The following ZFYVE16 variants were observed in gnomAD, a reference collection of about 807,000 sequenced individuals.
ZFYVE16 encodes zinc finger FYVE domain-containing protein 16.
A neutral mutation model predicts 138.1 loss-of-function variants in ZFYVE16; 89 were observed. That is an observed-to-expected ratio of 0.64 (90% CI 0.54 to 0.77). ZFYVE16 has a LOEUF of 0.77. Ranked by LOEUF, ZFYVE16 falls within the 30% of genes least tolerant of loss-of-function variation. ZFYVE16 has a pLI of 0.00. For missense variants in ZFYVE16, 1,793 were observed against 1,786.7 expected (o/e 1.00, Z -0.06); for synonymous variants, 596 against 618.3 (o/e 0.96, Z 0.53).
In ZFYVE16 at chr5:80,479,229, G is replaced by A. The variant is rs1157323046; in HGVS notation, c.*1852G>A. 6.6e-6 allele frequency: 1 copy of A among 152,128 alleles called. No homozygotes were observed. The highest frequency in any genetic ancestry group is 1.9e-4 in the East Asian group (1 of 5,196). 9.4% of individuals were successfully genotyped at this position (152,128 alleles called of 1,614,324 possible). A position where few individuals can be genotyped will look rare whatever the true frequency, so the allele number is the denominator to read the frequency against. On this transcript the variant is annotated 3_prime_UTR_variant, in exon 19 of 19. Transcript: ENST00000505560. ...AATTTGAAATTTTAATTTTTTAAGA[G>A]AAGAAATAGAATGGTTCTTTGTACT...
intron 18 of ZFYVE16, among the ~76,000 whole-genome samples, chr5:80,476,861 C>T (rs1246475917): frequency 6.6e-6 from 1 of 152,094 alleles, no homozygotes; most frequent in Non-Finnish European, 1.5e-5. Context: ...ATTATTGCAA[C>T]AACAAATTTG....
chr5:80,437,383 T>G lies in ZFYVE16; in HGVS notation c.698T>G (p.Phe233Cys). 5 of 1,605,290 alleles carry G rather than the reference T, an allele frequency of 3.1e-6. No homozygotes were observed. The highest frequency in any genetic ancestry group is 4.2e-6 in the Non-Finnish European group (5 of 1,177,206). ...GTENLKDKKIFNQLESIVDFN... is the reference protein window; with the variant it reads ...GTENLKDKKICNQLESIVDFN... ...GAAAATTTAAAAGATAAAAAGATCT[T>G]TAATCAGTTAGAATCAATTGTTGAT... The change falls in exon 4 of 19, where the codon TTT becomes TGT. Residue 233 changes from phenylalanine to cysteine, a missense_variant. Transcript: ENST00000505560.
At chr5:80,446,777 A>G (rs1358691503) in intron 7 of ZFYVE16, among the ~76,000 whole-genome samples, 1 of 152,220 alleles carries the variant, frequency 6.6e-6, no homozygotes, top group Non-Finnish European at 1.5e-5. Context: ...ATTTACACAA[A>G]TGTGCTAGGT....
intron 4 of ZFYVE16, among the ~76,000 whole-genome samples, chr5:80,439,320 A>T (rs1178395322): frequency 6.6e-6 from 1 of 152,190 alleles, no homozygotes; most frequent in Non-Finnish European, 1.5e-5. Context: ...TAAATATTCC[A>T]GATTTGGTCA....
intron 6 of ZFYVE16, among the ~76,000 whole-genome samples, chr5:80,444,494 G>A (rs174075): frequency 0.78 from 116,872 of 149,768 alleles, 48,533 homozygotes; most frequent in East Asian, 0.92. Flanking sequence ...AGAGATTTTC[G>A]TAACCTTCCT....
At position 80,452,441 on chromosome 5, in the gene ZFYVE16, A is replaced by G. The variant is rs1029516269; in HGVS notation, c.3607+732A>G. 152 of 148,572 alleles carry G rather than the reference A, an allele frequency of 1.0e-3. 1 individual carries two copies. Among genetic ancestry groups the G allele is most frequent in the African/African-American group, 3.8e-3 (147 of 38,802 alleles). 9.2% of individuals were successfully genotyped at this position (148,572 alleles called of 1,614,324 possible). On this transcript the variant is annotated intron_variant, in intron 11 of 18. Coordinates refer to ENST00000505560, the MANE Select transcript of ZFYVE16 (RefSeq NM_001284236.3). ...AGAGCAAGACTACGTCTCAAAAAAA[A>G]AAAAAAAAAAAAAAAAAAAGTTACA...
chr5:80,465,400 G>GTTTTTTGTTTT (rs1753600293), intron 15 of ZFYVE16, among the ~76,000 whole-genome samples: 2 of 26,780 alleles, frequency 7.5e-5, no homozygotes, highest in Non-Finnish European at 1.5e-4. Flanking sequence ...CCTTTTCTTT[G>GTTTTTTGTTTT]TTTTTTTTTT....
At chr5:80,424,423 G>A (rs1747696183) in intron 1 of ZFYVE16, among the ~76,000 whole-genome samples, 1 of 150,168 alleles carries the variant, frequency 6.7e-6, no homozygotes, top group South Asian at 2.1e-4. Flanking sequence ...TAGCTTCTTT[G>A]AAGTTTTATT....
At chr5:80,428,346 G>T (rs1158708210) in intron 2 of ZFYVE16, among the ~76,000 whole-genome samples, 1 of 152,142 alleles carries the variant, frequency 6.6e-6, no homozygotes, top group Non-Finnish European at 1.5e-5. Context: ...AGGTAAACAG[G>T]GTCTGGAGTA....
At chr5:80,410,835 T>G (rs1328600242) in intron 1 of ZFYVE16, among the ~76,000 whole-genome samples, 2 of 152,010 alleles carry the variant, frequency 1.3e-5, no homozygotes, top group South Asian at 4.2e-4. Context: ...CCCAAAGTGC[T>G]GGGATTGCAG....
In ZFYVE16 at chr5:80,437,247, C is replaced by A. The variant is rs776618661; in HGVS notation, c.562C>A (p.Gln188Lys). 29 of 1,613,614 alleles carry A rather than the reference C, an allele frequency of 1.8e-5. No individual in the cohort carries two copies. Among genetic ancestry groups the A allele is most frequent in the Admixed American group, 5.0e-5 (3 of 59,972 alleles). Residue 188 changes from glutamine to lysine, a missense_variant, in exon 4 of 19, where the codon CAA becomes AAA. By Grantham distance (53) the Gln-to-Lys change is moderately conservative. This residue lies in a region of ZFYVE16 where 1,295 missense variants were observed against 1,204.3 expected (regional missense o/e 1.08). Transcript: ENST00000505560. The stretch of plus-strand genomic sequence containing the variant: ...CCATGATAGTGATACTGTCAGAGAA[C>A]AACAGAATGATATCAGTTCTGAATT... ...TDHDSDTVRE[Q>K]QNDISSELQN...
chr5:80,470,064 C>CGTGTGT (rs369109701), intron 15 of ZFYVE16, among the ~76,000 whole-genome samples: 712 of 59,504 alleles, frequency 0.012, 10 homozygotes, highest in African/African-American at 0.026. Context: ...TGTATATATA[C>CGTGTGT]GTGTGTGTGT....
intron 11 of ZFYVE16, chr5:80,454,177 TTTGAC>T (rs1169198836): frequency 6.6e-6 from 1 of 152,234 alleles, no homozygotes; most frequent in African/African-American, 2.4e-5. Context: ...AAATGACTAC[TTTGAC>T]TTAAGTCTTT....
At chr5:80,446,247 T>G (rs1467869617) in intron 7 of ZFYVE16, among the ~76,000 whole-genome samples, 1 of 152,072 alleles carries the variant, frequency 6.6e-6, no homozygotes, top group Non-Finnish European at 1.5e-5. Context: ...TCTCACACTT[T>G]CAGCTTCAGG....
intron 1 of ZFYVE16, among the ~76,000 whole-genome samples, chr5:80,426,440 TCAC>T (rs1198408673): frequency 6.6e-6 from 1 of 151,366 alleles, no homozygotes; most frequent in African/African-American, 2.4e-5. Flanking sequence ...TGCTCTCCCC[TCAC>T]CACCACCCCC....
At chr5:80,440,517 A>G in intron 5 of ZFYVE16, 1 of 985,380 alleles carries the variant, frequency 1.0e-6, no homozygotes, top group Non-Finnish European at 1.2e-6. Flanking sequence ...GGACTGCCAC[A>G]CTATTTGCAC....
chr5:80,442,685 G>A (rs2112409481), intron 5 of ZFYVE16, among the ~76,000 whole-genome samples: 1 of 152,292 alleles, frequency 6.6e-6, no homozygotes, highest in East Asian at 1.9e-4. Flanking sequence ...GATGAATTAT[G>A]TTGGGTCTTG....
At position 80,438,152 on chromosome 5, in the gene ZFYVE16, C is replaced by T. The variant is rs896080197; in HGVS notation, c.1467C>T (p.Val489=). The change falls in exon 4 of 19, where the codon GTC becomes GTT. Residue 489 remains valine (V), a synonymous_variant. Transcript: ENST00000505560. ...ESQEGLSGTH[V]PESSDCCEGF... ...AAGAGGGGCTTTCTGGCACTCATGT[C>T]CCAGAGTCTTCTGATTGTTGTGAAG... The T allele has an allele frequency of 6.2e-7, 1 of 1,613,890 alleles. No individual in the cohort carries two copies. The highest frequency in any genetic ancestry group is 1.3e-5 in the African/African-American group (1 of 75,006).
intron 2 of ZFYVE16, among the ~76,000 whole-genome samples, chr5:80,430,278 C>A (rs1398258533): frequency 1.8e-4 from 27 of 151,996 alleles, no homozygotes; most frequent in African/African-American, 4.3e-4. Flanking sequence ...ACTCAGGATT[C>A]AGAAACTCAC....
Sources: gnomAD v4.1 joint callset for allele counts (sites outside exome capture counted in the v4.1 genomes callset) on GRCh38, gnomAD v4.1.1 for gene constraint, gnomAD v4.1.1 regional missense constraint, MANE v1.5 for transcripts, NCBI Gene and HGNC (gene_info 2026-07-23, HGNC 2026-07-21) for gene names.